The following CACNB3 variants were observed in gnomAD, a reference collection of about 807,000 sequenced individuals.
The protein encoded by CACNB3 is voltage-dependent L-type calcium channel subunit beta-3.
Under a neutral mutation model 63.7 loss-of-function variants are expected in CACNB3, and 36 were observed. The observed-to-expected ratio is 0.57, with a 90% CI of 0.43 to 0.75. CACNB3 has a LOEUF of 0.75. Ranked by LOEUF, CACNB3 falls within the 30% of genes least tolerant of loss-of-function variation. The pLI, the probability that CACNB3 is intolerant of heterozygous loss-of-function variation, is 0.00. For synonymous variants in CACNB3, 241 were observed against 250.6 expected (o/e 0.96, Z 0.36); for missense variants, 493 against 648.6 (o/e 0.76, Z 2.61).
Position 48,823,576 on chromosome 12 carries a change from G to T in CACNB3, c.169-105G>T, listed in dbSNP as rs1937967661. 6.3e-6 allele frequency: 10 copies of T among 1,599,374 alleles called. No homozygotes were observed. In the South Asian group the frequency reaches 1.1e-4, roughly 18 times the overall value. On this transcript the variant is annotated intron_variant, in intron 2 of 12. Coordinates refer to ENST00000301050, the MANE Select transcript of CACNB3 (RefSeq NM_000725.4). This position sits in a 1 kb window ranked among gnomAD's most constrained non-coding sequence, Gnocchi z 4.2. ...GCAGGATGTCCTTGAGTGTGAGAGG[G>T]TGTGTGTGATGGGCAGAGGCCACGG...
In CACNB3 at chr12:48,818,535, G is replaced by T; in HGVS notation, c.-395G>T. On this transcript the variant is annotated 5_prime_UTR_variant, in exon 1 of 13. Transcript: ENST00000301050. This position sits in a 1 kb window ranked among gnomAD's most constrained non-coding sequence, Gnocchi z 4.3. ...CCGCCACGGCCCCGTAGGTGCTCGG[G>T]GACCCACCTTCCACCTAGCACGGGT... is the stretch of plus-strand genomic sequence containing the variant. 5 of 1,019,990 alleles carry T rather than the reference G, an allele frequency of 4.9e-6. No homozygotes were observed. In the African/African-American group the frequency reaches 8.6e-5, roughly 18 times the overall value. 63.2% of individuals were successfully genotyped at this position (1,019,990 alleles called of 1,614,324 possible).
At position 48,825,097 on chromosome 12, in the gene CACNB3, A is replaced by T. The variant is rs1459469256; in HGVS notation, c.493-66A>T. The T allele has an allele frequency of 6.3e-7, 1 of 1,595,240 alleles. No homozygotes were observed. The highest frequency in any genetic ancestry group is 1.3e-5 in the African/African-American group (1 of 74,442). On this transcript the variant is annotated intron_variant, in intron 6 of 12. Coordinates refer to ENST00000301050, the MANE Select transcript of CACNB3 (RefSeq NM_000725.4). The surrounding 1 kb of genome is among the most constrained non-coding windows in gnomAD (Gnocchi z 4.5). Reference sequence around the variant, plus strand: ...GCCCAGAACCTCTGGATCTGCCCTGACGCCAACCAGGCATGAGACAGGCAC... The same window carrying T: ...GCCCAGAACCTCTGGATCTGCCCTGTCGCCAACCAGGCATGAGACAGGCAC...
chr12:48,824,627 C>T (rs1938028877), intron 4 of CACNB3, 42 bp from the exon 5 acceptor site: 1 of 1,522,772 alleles, frequency 6.6e-7, no homozygotes, highest in African/African-American at 1.4e-5. Context: ...TACACAGAGA[C>T]ACATTCTTCT....
At chr12:48,815,758 G>GC, upstream of CACNB3, 2 of 842,732 alleles carry the variant, frequency 2.4e-6, no homozygotes, top group Non-Finnish European at 1.8e-6. Context: ...GGGGTCGTGG[G>GC]AAGGGGGTTC....
In CACNB3 at chr12:48,825,327, C is replaced by A; in HGVS notation, c.573+84C>A. 6.4e-7 allele frequency: 1 copy of A among 1,562,522 alleles called. No individual in the cohort carries two copies. Among genetic ancestry groups the A allele is most frequent in the South Asian group, 1.1e-5 (1 of 89,584 alleles). ...CCTAGGGAAAGTGGAAGGGGTGTGTCTCCTCCGTCCAGGGTGTGTATGTGG... is the reference window on the plus strand; with the variant it reads ...CCTAGGGAAAGTGGAAGGGGTGTGTATCCTCCGTCCAGGGTGTGTATGTGG... On this transcript the variant is annotated intron_variant, in intron 7 of 12. Transcript: ENST00000301050. This position sits in a 1 kb window ranked among gnomAD's most constrained non-coding sequence, Gnocchi z 4.5.
chr12:48,825,315 G>T lies in CACNB3; in HGVS notation c.573+72G>T. 1 of 1,574,264 alleles carries T rather than the reference G, an allele frequency of 6.4e-7. No homozygotes were observed. The highest frequency in any genetic ancestry group is 8.7e-7 in the Non-Finnish European group (1 of 1,145,080). On this transcript the variant is annotated intron_variant, in intron 7 of 12. Transcript: ENST00000301050. The surrounding 1 kb of genome is among the most constrained non-coding windows in gnomAD (Gnocchi z 4.5). ...CCACAGGAAGTCCCTAGGGAAAGTG[G>T]AAGGGGTGTGTCTCCTCCGTCCAGG...
intron 1 of CACNB3, chr12:48,820,319 C>G (rs1208671065): frequency 6.6e-6 from 1 of 152,400 alleles, no homozygotes; most frequent in Non-Finnish European, 1.5e-5. Context: ...CTTCCCATCC[C>G]TGGTGAGAAG....
upstream of CACNB3, chr12:48,815,810 G>A: frequency 1.0e-6 from 1 of 961,860 alleles, no homozygotes. Flanking sequence ...GCTAGGAAGG[G>A]GGCACGCGTT....
chr12:48,823,330 C>G lies in CACNB3; in HGVS notation c.46-14C>G. The G allele has an allele frequency of 6.2e-7, 1 of 1,612,816 alleles. No homozygotes were observed. Among genetic ancestry groups the G allele is most frequent in the Admixed American group, 1.7e-5 (1 of 59,832 alleles). On this transcript the variant is annotated splice_polypyrimidine_tract_variant and intron_variant, in intron 1 of 12. Coordinates refer to ENST00000301050, the MANE Select transcript of CACNB3 (RefSeq NM_000725.4). The surrounding 1 kb of genome is among the most constrained non-coding windows in gnomAD (Gnocchi z 4.2). ...TGCCGGAGCCTGGGAGTCACAGCCT[C>G]TTTCCCAACCCAGGGTTCAGCCGAC...
At position 48,824,929 on chromosome 12, in the gene CACNB3, G is replaced by A. The variant is rs776893747; in HGVS notation, c.473-20G>A. On this transcript the variant is annotated intron_variant, in intron 5 of 12. Transcript: ENST00000301050. ...TTCCCCCTTCACCAACTTTAATCTT[G>A]TATTTCCTTTTCCAAAAAGCCAAGC... The A allele has an allele frequency of 3.7e-6, 6 of 1,613,308 alleles. No individual in the cohort carries two copies. Among genetic ancestry groups the A allele is most frequent in the African/African-American group, 1.3e-5 (1 of 74,662 alleles).
rs556757288 is a variant in CACNB3, at chr12:48,828,207, G to C, written c.*308G>C. The C allele has an allele frequency of 5.9e-5, 27 of 455,562 alleles. No individual in the cohort carries two copies. The highest frequency in any genetic ancestry group is 4.1e-4 in the Admixed American group (12 of 29,382). 28.2% of individuals were successfully genotyped at this position (455,562 alleles called of 1,614,324 possible). On this transcript the variant is annotated 3_prime_UTR_variant, in exon 13 of 13. Coordinates refer to ENST00000301050, the MANE Select transcript of CACNB3 (RefSeq NM_000725.4). ...CCACTGGGCAGTGCCCTCAGGCCAG[G>C]ATCCCCTTAGCAGGGTCCTTCCCAC...
At position 48,825,610 on chromosome 12, in the gene CACNB3, G is replaced by A; in HGVS notation, c.633-50G>A. On this transcript the variant is annotated intron_variant, in intron 8 of 12. Coordinates refer to ENST00000301050, the MANE Select transcript of CACNB3 (RefSeq NM_000725.4). The surrounding 1 kb of genome is among the most constrained non-coding windows in gnomAD (Gnocchi z 4.5). ...GTTAGTGGGAGCTGAGTAAGGAGAGGCTGAGGCACAGGTTTAGAAGCAAGC... is the reference window on the plus strand; with the variant it reads ...GTTAGTGGGAGCTGAGTAAGGAGAGACTGAGGCACAGGTTTAGAAGCAAGC... 2.5e-6 allele frequency: 4 copies of A among 1,577,984 alleles called. No individual in the cohort carries two copies. Among genetic ancestry groups the A allele is most frequent in the Non-Finnish European group, 3.5e-6 (4 of 1,147,160 alleles).
chr12:48,824,219 G>A (rs367878439), intron 3 of CACNB3, 39 bp from the exon 4 acceptor site: 154 of 1,526,022 alleles, frequency 1.0e-4, no homozygotes, highest in Non-Finnish European at 1.3e-4. Flanking sequence ...GGGGCGGGGC[G>A]CTTCTCTCAC....
rs568539081 is a variant in CACNB3 at position 48,827,427 on chromosome 12, T to C, written c.1141-158T>C. Among the ~76,000 whole-genome samples the C allele has an allele frequency of 4.2e-3, 646 of 152,350 alleles. 2 individuals are homozygous for C. The highest frequency in any genetic ancestry group is 7.0e-3 in the Non-Finnish European group (479 of 68,026). On this transcript the variant is annotated intron_variant, in intron 12 of 12. Transcript: ENST00000301050. Reference sequence around the variant, plus strand: ...TTTTGCGGGAGTCGAAGCTCCAGTTTTCTCTCTCGGAAGAGGAAAAATGCT... The same window carrying C: ...TTTTGCGGGAGTCGAAGCTCCAGTTCTCTCTCTCGGAAGAGGAAAAATGCT...
Position 48,825,966 on chromosome 12 carries a change from C to T in CACNB3, c.742+197C>T, listed in dbSNP as rs956008181. On this transcript the variant is annotated intron_variant, in intron 9 of 12. Coordinates refer to ENST00000301050, the MANE Select transcript of CACNB3 (RefSeq NM_000725.4). The surrounding 1 kb of genome is among the most constrained non-coding windows in gnomAD (Gnocchi z 4.5). ...ATCTCAGCCTCCTGAGTAGCCGGGACTACAGGCGCCCATCACCACGCCCAG... is the reference window on the plus strand; with the variant it reads ...ATCTCAGCCTCCTGAGTAGCCGGGATTACAGGCGCCCATCACCACGCCCAG... Among the ~76,000 whole-genome samples, 2 of 152,090 alleles carry T rather than the reference C, an allele frequency of 1.3e-5. No individual in the cohort carries two copies. The highest frequency in any genetic ancestry group is 6.6e-5 in the Admixed American group (1 of 15,264).
At chr12:48,821,131 C>G (rs1209394217) in intron 1 of CACNB3, 1 of 151,760 alleles carries the variant, frequency 6.6e-6, no homozygotes, top group Non-Finnish European at 1.5e-5. Flanking sequence ...TTGCAGTGAG[C>G]CGACATCGCA....
chr12:48,825,825 C>T lies in CACNB3; in HGVS notation c.742+56C>T. The stretch of plus-strand genomic sequence containing the variant: ...CCACTCAAGTGCCAGTGAGAACCTT[C>T]CTCCTCCCTTTTCTTTTTTTTGAGA... On this transcript the variant is annotated intron_variant, in intron 9 of 12. Coordinates refer to ENST00000301050, the MANE Select transcript of CACNB3 (RefSeq NM_000725.4). This position sits in a 1 kb window ranked among gnomAD's most constrained non-coding sequence, Gnocchi z 4.5. 1 of 1,245,302 alleles carries T rather than the reference C, an allele frequency of 8.0e-7. No individual in the cohort carries two copies. The highest frequency in any genetic ancestry group is 1.2e-6 in the Non-Finnish European group (1 of 856,054). The allele number at this position is 1,245,302 out of a possible 1,614,324, so 77.1% of individuals were successfully genotyped here.
chr12:48,825,497 G>C lies in CACNB3; in HGVS notation c.632+5G>C, dbSNP rs759174415. On this transcript the variant is annotated splice_donor_5th_base_variant and intron_variant, in intron 8 of 12. Coordinates refer to ENST00000301050, the MANE Select transcript of CACNB3 (RefSeq NM_000725.4). The surrounding 1 kb of genome is among the most constrained non-coding windows in gnomAD (Gnocchi z 4.5). ...CAAACACAGATTTGATGGCAGGTAAGCTGCCCTGGCCTGAGGTGGCCTGAG... is the reference window on the plus strand; with the variant it reads ...CAAACACAGATTTGATGGCAGGTAACCTGCCCTGGCCTGAGGTGGCCTGAG... 6.2e-7 allele frequency: 1 copy of C among 1,614,072 alleles called. No individual in the cohort carries two copies. The highest frequency in any genetic ancestry group is 8.5e-7 in the Non-Finnish European group (1 of 1,179,930).
upstream of CACNB3, chr12:48,815,874 G>A: frequency 1.5e-6 from 1 of 680,516 alleles, no homozygotes; most frequent in South Asian, 1.7e-5. Flanking sequence ...GTGAGGCCAG[G>A]GGTGGAAGAG....
Sources: gnomAD v4.1 joint callset for allele counts (sites outside exome capture counted in the v4.1 genomes callset) on GRCh38, gnomAD v4.1.1 for gene constraint, Gnocchi (gnomAD v3.1) non-coding constraint, MANE v1.5 for transcripts, NCBI Gene and HGNC (gene_info 2026-07-23, HGNC 2026-07-21) for gene names.